The following NEO1 variants were observed in gnomAD, a reference collection of about 807,000 sequenced individuals.
NEO1 encodes the protein neogenin.
In NEO1, 63 loss-of-function variants were observed where a neutral mutation model predicts 159.7. The observed-to-expected ratio is 0.39, with a 90% CI of 0.32 to 0.49. The LOEUF is 0.49. Ranked by LOEUF, NEO1 falls within the 20% of genes least tolerant of loss-of-function variation. The probability of loss-of-function intolerance (pLI) is 0.85; values close to 1 mark genes in which losing one functional copy is unlikely to be tolerated. For missense variants in NEO1, 1,615 were observed against 1,831.0 expected (o/e 0.88, Z 2.15); for synonymous variants, 633 against 662.0 (o/e 0.96, Z 0.67).
intron 1 of NEO1, among the ~76,000 whole-genome samples, chr15:73,084,181 C>T (rs937113423): frequency 1.3e-5 from 2 of 151,942 alleles, no homozygotes; most frequent in East Asian, 1.9e-4. Context: ...AATCTCCCAG[C>T]GATTTTCAAG....
chr15:73,098,981 A>C (rs1021834651), intron 1 of NEO1, among the ~76,000 whole-genome samples: 6 of 152,114 alleles, frequency 3.9e-5, no homozygotes, highest in Non-Finnish European at 5.9e-5. Context: ...CATTTCTTTT[A>C]TTATGAAGTT....
intron 1 of NEO1, among the ~76,000 whole-genome samples, chr15:73,099,070 C>T (rs2070250517): frequency 6.6e-6 from 1 of 152,126 alleles, no homozygotes; most frequent in Non-Finnish European, 1.5e-5. Flanking sequence ...AAATGATATG[C>T]AGCAGTGTGG....
intron 5 of NEO1, among the ~76,000 whole-genome samples, chr15:73,164,328 C>A (rs2034421519): frequency 6.6e-6 from 1 of 151,482 alleles, no homozygotes; most frequent in Admixed American, 6.6e-5. Flanking sequence ...ATTCTCCTGT[C>A]TCAGCCTTCC....
intron 5 of NEO1, among the ~76,000 whole-genome samples, chr15:73,171,392 C>T (rs975272580): frequency 2.0e-5 from 3 of 151,804 alleles, no homozygotes; most frequent in African/African-American, 7.3e-5. Context: ...GTGAGACCTC[C>T]TCTGTATTAA....
At chr15:73,203,464 G>A (rs1223098948) in intron 7 of NEO1, among the ~76,000 whole-genome samples, 1 of 152,130 alleles carries the variant, frequency 6.6e-6, no homozygotes, top group African/African-American at 2.4e-5. Context: ...TACATTTAAA[G>A]TGATTGTTGC....
intron 22 of NEO1, among the ~76,000 whole-genome samples, chr15:73,279,675 G>A (rs1391576127): frequency 6.6e-6 from 1 of 152,120 alleles, no homozygotes; most frequent in Non-Finnish European, 1.5e-5. Context: ...TAAAGATGCA[G>A]GCTCTATGTG....
intron 9 of NEO1, among the ~76,000 whole-genome samples, chr15:73,247,497 C>T (rs1391181875): frequency 2.6e-5 from 4 of 152,150 alleles, no homozygotes; most frequent in African/African-American, 9.7e-5. Context: ...ACAAATCCCA[C>T]CTGTCAGGCT....
At chr15:73,207,590 T>A (rs2037311601) in intron 7 of NEO1, among the ~76,000 whole-genome samples, 1 of 152,224 alleles carries the variant, frequency 6.6e-6, no homozygotes, top group Non-Finnish European at 1.5e-5. Flanking sequence ...TTATTTGACC[T>A]CTTGTCTAGC....
chr15:73,241,413 T>G (rs1349288691), intron 8 of NEO1, among the ~76,000 whole-genome samples: 2 of 152,226 alleles, frequency 1.3e-5, no homozygotes, highest in Admixed American at 1.3e-4. Context: ...TTTGAAATGT[T>G]ACATAGGTAA....
At chr15:73,077,304 A>G (rs1473990835) in intron 1 of NEO1, among the ~76,000 whole-genome samples, 1 of 152,186 alleles carries the variant, frequency 6.6e-6, no homozygotes, top group Non-Finnish European at 1.5e-5. Flanking sequence ...TCGGCCTCCC[A>G]AAGTGCTGGG....
chr15:73,260,173 A>G (rs2040557725), intron 14 of NEO1, 98 bp from the exon 15 acceptor site: 2 of 1,142,058 alleles, frequency 1.8e-6, no homozygotes, highest in South Asian at 3.4e-5. Flanking sequence ...ACTTAGCCCC[A>G]AACAGTGTGG....
At chr15:73,215,904 G>C (rs566684954) in intron 7 of NEO1, among the ~76,000 whole-genome samples, 75 of 152,018 alleles carry the variant, frequency 4.9e-4, no homozygotes, top group African/African-American at 1.8e-3. Flanking sequence ...TGTGAAATCT[G>C]TCTTGTCCTG....
chr15:73,225,429 C>T (rs1450254378), intron 7 of NEO1, among the ~76,000 whole-genome samples: 1 of 151,770 alleles, frequency 6.6e-6, no homozygotes, highest in Non-Finnish European at 1.5e-5. Flanking sequence ...CAGGAGGGGG[C>T]GGGGCTAGAT....
intron 11 of NEO1, among the ~76,000 whole-genome samples, chr15:73,252,851 G>A (rs907140357): frequency 6.6e-5 from 10 of 152,178 alleles, no homozygotes; most frequent in East Asian, 5.8e-4. Context: ...TTAGCCGGGC[G>A]TGGTAGCAGG....
intron 15 of NEO1, among the ~76,000 whole-genome samples, chr15:73,261,812 T>C (rs2040631119): frequency 6.6e-6 from 1 of 152,030 alleles, no homozygotes; most frequent in African/African-American, 2.4e-5. Flanking sequence ...TTATGAAAAA[T>C]CAAAGGAACT....
At chr15:73,084,622 T>C (rs540939593) in intron 1 of NEO1, among the ~76,000 whole-genome samples, 1 of 152,192 alleles carries the variant, frequency 6.6e-6, no homozygotes, top group Non-Finnish European at 1.5e-5. Context: ...GGTGAAGATA[T>C]CTCTTTGATA....
intron 15 of NEO1, among the ~76,000 whole-genome samples, chr15:73,263,285 C>T (rs894680258): frequency 1.3e-5 from 2 of 151,094 alleles, no homozygotes; most frequent in African/African-American, 4.9e-5. Context: ...CCTCCACCTC[C>T]TGGGTTCAAA....
chr15:73,072,848 A>G (rs1421496594), intron 1 of NEO1, among the ~76,000 whole-genome samples: 1 of 152,124 alleles, frequency 6.6e-6, no homozygotes, highest in Non-Finnish European at 1.5e-5. Context: ...TATTTAGATG[A>G]TAAAGTAGAA....
At chr15:73,094,040 A>G (rs550750196) in intron 1 of NEO1, among the ~76,000 whole-genome samples, 17 of 152,266 alleles carry the variant, frequency 1.1e-4, no homozygotes, top group African/African-American at 3.6e-4. Context: ...CCATTCCTTC[A>G]AGGAGCCCTG....
Sources: allele counts gnomAD v4.1 joint callset (sites outside exome capture counted in the v4.1 genomes callset), GRCh38; gene constraint gnomAD v4.1.1; transcripts MANE v1.5; gene names NCBI Gene and HGNC (gene_info 2026-07-23, HGNC 2026-07-21).